CAMTA1: variants seen among roughly 807,000 people sequenced by gnomAD.
The protein encoded by CAMTA1 is calmodulin binding transcription activator 1.
Under a neutral mutation model 170.9 loss-of-function variants are expected in CAMTA1, and 27 were observed. The ratio of observed to expected loss-of-function variants is 0.16; its 90% CI spans 0.12 to 0.22. The LOEUF is 0.22. CAMTA1 is among the 10% of genes least tolerant of loss of function. CAMTA1 has a pLI of 1.00. For missense variants in CAMTA1, 1,619 were observed against 2,217.2 expected, an observed-to-expected ratio of 0.73 and a Z score of 5.42; for synonymous variants, 833 against 891.5, an observed-to-expected ratio of 0.93 and a Z score of 1.17.
intron 5 of CAMTA1, among the ~76,000 whole-genome samples, chr1:7,341,367 G>A (rs992550841): frequency 6.6e-6 from 1 of 152,260 alleles, no homozygotes; most frequent in Admixed American, 6.5e-5. Context: ...TGACCAGCCT[G>A]TGCAGCCTGA....
chr1:7,170,083 CCTT>C (rs1031551676), intron 4 of CAMTA1, among the ~76,000 whole-genome samples: 13 of 151,964 alleles, frequency 8.6e-5, no homozygotes, highest in African/African-American at 3.1e-4. Context: ...ATTCTACTTT[CCTT>C]CTTCTAATTT....
intron 3 of CAMTA1, among the ~76,000 whole-genome samples, chr1:6,937,400 CCATCACCAT>C (rs1685548138): frequency 6.6e-6 from 1 of 151,376 alleles, no homozygotes; most frequent in African/African-American, 2.4e-5. Context: ...ACTATCATCA[CCATCACCAT>C]CATCATCACC....
chr1:6,922,322 C>G (rs1214746292), intron 3 of CAMTA1, among the ~76,000 whole-genome samples: 1 of 152,196 alleles, frequency 6.6e-6, no homozygotes, highest in Non-Finnish European at 1.5e-5. Flanking sequence ...GGCTTCATAA[C>G]AAATCTCTCC....
intron 11 of CAMTA1, among the ~76,000 whole-genome samples, chr1:7,705,759 C>T (rs966037545): frequency 4.6e-5 from 7 of 152,194 alleles, no homozygotes; most frequent in African/African-American, 1.7e-4. Flanking sequence ...TCTCTAACTA[C>T]AGACCAGGGG....
intron 3 of CAMTA1, among the ~76,000 whole-genome samples, chr1:6,924,939 G>C (rs1301819166): frequency 6.6e-6 from 1 of 152,226 alleles, no homozygotes; most frequent in Non-Finnish European, 1.5e-5. Flanking sequence ...CATTGGTGTA[G>C]CTTTCTTGGA....
intron 5 of CAMTA1, among the ~76,000 whole-genome samples, chr1:7,280,398 T>G (rs540272643): frequency 6.6e-6 from 1 of 152,358 alleles, no homozygotes; most frequent in Non-Finnish European, 1.5e-5. Flanking sequence ...GTCCCAAGTA[T>G]GACATCCCTG....
At chr1:7,522,965 C>A (rs1391718701) in intron 6 of CAMTA1, among the ~76,000 whole-genome samples, 5 of 152,214 alleles carry the variant, frequency 3.3e-5, no homozygotes, top group African/African-American at 1.2e-4. Context: ...GTCCTGGATT[C>A]AAGTGATTCT....
chr1:7,317,139 G>A (rs915587360), intron 5 of CAMTA1, among the ~76,000 whole-genome samples: 2 of 152,182 alleles, frequency 1.3e-5, no homozygotes, highest in African/African-American at 4.8e-5. Context: ...CTTGCCGGGG[G>A]TACAGGGAAG....
At chr1:7,624,895 A>C (rs939689220) in intron 6 of CAMTA1, among the ~76,000 whole-genome samples, 3 of 152,190 alleles carry the variant, frequency 2.0e-5, no homozygotes, top group Non-Finnish European at 4.4e-5. Context: ...TGGAAGGATA[A>C]AGGGAGGCTG....
At chr1:7,059,429 A>G (rs10779671) in intron 3 of CAMTA1, among the ~76,000 whole-genome samples, 110,332 of 151,940 alleles carry the variant, frequency 0.73, 40,878 homozygotes, top group African/African-American at 0.87. Context: ...GCCAGCCTGG[A>G]CGATATACCG....
intron 5 of CAMTA1, among the ~76,000 whole-genome samples, chr1:7,276,303 A>ATATATATATATTTTTTTTTTTTTTT: frequency 8.3e-5 from 2 of 24,230 alleles, no homozygotes; most frequent in African/African-American, 5.9e-4. Context: ...ATATATATAT[A>ATATATATATATTTTTTTTTTTTTTT]TTTTTTTTTT....
chr1:7,327,730 A>G (rs1422680950), intron 5 of CAMTA1, among the ~76,000 whole-genome samples: 1 of 152,148 alleles, frequency 6.6e-6, no homozygotes, highest in Non-Finnish European at 1.5e-5. Flanking sequence ...TCTCCATTCC[A>G]CCACTTTATT....
Position 6,799,871 on chromosome 1 carries a change from A to G in CAMTA1, c.45+14296A>G, listed in dbSNP as rs147580995. 5.1e-3 allele frequency among the ~76,000 whole-genome samples: 771 copies of G among 152,192 alleles called. 8 individuals carry two copies. Among genetic ancestry groups the G allele is most frequent in the South Asian group, 0.015 (72 of 4,822 alleles). Reference sequence around the variant, plus strand: ...TGAAACCATGGATAAGAGGGGGACTATTGTGTAAGGAAATGAAGTCGGAGA... The same window carrying G: ...TGAAACCATGGATAAGAGGGGGACTGTTGTGTAAGGAAATGAAGTCGGAGA... On this transcript the variant is annotated intron_variant, in intron 1 of 22. Transcript: ENST00000303635.
intron 3 of CAMTA1, among the ~76,000 whole-genome samples, chr1:6,910,628 T>C (rs866086246): frequency 2.0e-4 from 30 of 152,236 alleles, no homozygotes; most frequent in Admixed American, 9.8e-4. Flanking sequence ...CTCCAACATG[T>C]CACTATCTGG....
intron 5 of CAMTA1, among the ~76,000 whole-genome samples, chr1:7,410,507 C>T (rs12060618): frequency 0.072 from 10,988 of 152,330 alleles, 1,067 homozygotes; most frequent in African/African-American, 0.22. Flanking sequence ...GATTCAGCAA[C>T]ATCTTCAAAG....
In CAMTA1 at chr1:7,570,934, G is replaced by A. The variant is rs1214554847; in HGVS notation, c.511-69466G>A. On this transcript the variant is annotated intron_variant, in intron 6 of 22. Coordinates refer to ENST00000303635, the MANE Select transcript of CAMTA1 (RefSeq NM_015215.4). This position sits in a 1 kb window ranked among gnomAD's most constrained non-coding sequence, Gnocchi z 4.3. The stretch of plus-strand genomic sequence containing the variant: ...CTCTGAGCCTCAGTTGCCTCAAGAT[G>A]GGCAGCCTTTCTGTGTCGCCGGAGG... 6.6e-6 allele frequency among the ~76,000 whole-genome samples: 1 copy of A among 152,180 alleles called. No individual in the cohort carries two copies. The highest frequency in any genetic ancestry group is 2.4e-5 in the African/African-American group (1 of 41,450).
At chr1:7,612,865 C>T (rs537088187) in intron 6 of CAMTA1, among the ~76,000 whole-genome samples, 2 of 152,314 alleles carry the variant, frequency 1.3e-5, no homozygotes, top group East Asian at 3.9e-4. Flanking sequence ...GAGAGGAAGG[C>T]GGTGGGAGTG....
At position 7,146,306 on chromosome 1, in the gene CAMTA1, A is replaced by G. The variant is rs1473934103; in HGVS notation, c.302+54935A>G. Among the ~76,000 whole-genome samples the G allele has an allele frequency of 6.6e-6, 1 of 152,158 alleles. No homozygotes were observed. Among genetic ancestry groups the G allele is most frequent in the African/African-American group, 2.4e-5 (1 of 41,430 alleles). On this transcript the variant is annotated intron_variant, in intron 4 of 22. Coordinates refer to ENST00000303635, the MANE Select transcript of CAMTA1 (RefSeq NM_015215.4). The surrounding 1 kb of genome is among the most constrained non-coding windows in gnomAD (Gnocchi z 4.3). The stretch of plus-strand genomic sequence containing the variant: ...CTCTTGGCTTATGTAGATCAACCAG[A>G]GCCTTGGGATATGAGAAGTTAATTT...
chr1:7,116,829 T>G (rs371601473), intron 4 of CAMTA1, among the ~76,000 whole-genome samples: 4 of 149,916 alleles, frequency 2.7e-5, no homozygotes, highest in East Asian at 2.0e-4. Flanking sequence ...TTTTTTTGTA[T>G]TTTTAGTAGA....
Sources: gnomAD v4.1 joint callset for allele counts (sites outside exome capture counted in the v4.1 genomes callset) on GRCh38, gnomAD v4.1.1 for gene constraint, Gnocchi (gnomAD v3.1) non-coding constraint, MANE v1.5 for transcripts, NCBI Gene and HGNC (gene_info 2026-07-23, HGNC 2026-07-21) for gene names.